CNOT3: variants seen among roughly 807,000 people sequenced by gnomAD.
CNOT3 encodes the protein CCR4-associated factor 3.
In CNOT3, 2 loss-of-function variants were observed where a neutral mutation model predicts 89.4. The ratio of observed to expected loss-of-function variants is 0.02; its 90% confidence interval spans 0.01 to 0.07. The LOEUF (loss-of-function observed/expected upper bound fraction) is 0.07. Ranked by LOEUF, CNOT3 falls within the 10% of genes least tolerant of loss-of-function variation. The pLI, the probability that CNOT3 is intolerant of heterozygous loss-of-function variation, is 1.00. For missense variants in CNOT3, 664 were observed against 1,010.2 expected, an observed-to-expected ratio of 0.66 and a Z score of 4.65; for synonymous variants, 486 against 402.0, an observed-to-expected ratio of 1.21 and a Z score of -2.50.
chr19:54,143,933 G>A (rs1374714715), intron 5 of CNOT3, 73 bp from the exon 6 acceptor site: 19 of 1,566,160 alleles, frequency 1.2e-5, no homozygotes, highest in Admixed American at 4.2e-5. Context: ...GGCTCAGGTC[G>A]GAGTGTCTGC....
At position 54,148,299 on chromosome 19, in the gene CNOT3, C is replaced by A; in HGVS notation, c.1046C>A (p.Pro349His). The change falls in exon 11 of 18, where the codon CCC becomes CAC. Residue 349 changes from proline to histidine, a missense_variant. By Grantham distance (77) the Pro-to-His change is moderately conservative. Transcript: ENST00000221232. The surrounding 1 kb of genome is among the most constrained non-coding windows in gnomAD (Gnocchi z 6.3). ...AATGGGGTCCCCGCCCCCGCAGCAC[C>A]CCCAAGTGCCCTGGGCCCCAAGGCC... ...GNNGVPAPAA[P>H]PSALGPKASP... The A allele has an allele frequency of 6.2e-7, 1 of 1,608,830 alleles. No individual in the cohort carries two copies. Among genetic ancestry groups the A allele is most frequent in the South Asian group, 1.1e-5 (1 of 90,524 alleles).
intron 12 of CNOT3, 85 bp from the exon 13 acceptor site, chr19:54,149,475 C>A: frequency 1.3e-6 from 1 of 789,980 alleles, no homozygotes; most frequent in Non-Finnish European, 2.0e-6. Context: ...TCTGTGCAGT[C>A]TCCCCTCTCT....
At chr19:54,151,811 C>T (rs1461031348) in intron 13 of CNOT3, among the ~76,000 whole-genome samples, 1 of 152,206 alleles carries the variant, frequency 6.6e-6, no homozygotes, top group Non-Finnish European at 1.5e-5. Context: ...GCATGTAGAC[C>T]TCCTGCCTCC....
chr19:54,146,024 G>A lies in CNOT3; in HGVS notation c.818G>A (p.Ser273Asn). ...ACCTCCAGCTCTCCCATCCCGCCCA[G>A]CCCAGCCAACTGTACCACGGTGAGG... ...STTSSSPIPP[S>N]PANCTTENSE... Residue 273 changes from serine (S) to asparagine (N), a missense_variant, in exon 9 of 18, where the codon AGC becomes AAC. Ser to Asn is a conservative substitution (Grantham distance 46). This residue lies in a region of CNOT3 where 545 missense variants were observed against 566.2 expected (regional missense o/e 0.96). Transcript: ENST00000221232. 4 of 1,580,732 alleles carry A rather than the reference G, an allele frequency of 2.5e-6. No individual in the cohort carries two copies. The highest frequency in any genetic ancestry group is 3.5e-6 in the Non-Finnish European group (4 of 1,155,714).
At position 54,155,276 on chromosome 19, in the gene CNOT3, G is replaced by C. The variant is rs200681035; in HGVS notation, c.2164-33G>C. 3.1e-6 allele frequency: 5 copies of C among 1,610,396 alleles called. No individual in the cohort carries two copies. The East Asian group carries it at 1.1e-4, about 36-fold the overall frequency. ...GGCCCAGATCCCAGACCACCTCCTC[G>C]TCCACTCACTGACCGCCTTCTCCCC... On this transcript the variant is annotated intron_variant, in intron 17 of 17. Transcript: ENST00000221232.
chr19:54,139,611 C>T (rs1203910235), intron 1 of CNOT3, among the ~76,000 whole-genome samples: 3 of 152,124 alleles, frequency 2.0e-5, no homozygotes, highest in Admixed American at 1.3e-4. Flanking sequence ...GTGTCCACGC[C>T]TCTGCATGTG....
intron 1 of CNOT3, among the ~76,000 whole-genome samples, chr19:54,140,537 G>C (rs1399870697): frequency 5.9e-5 from 9 of 152,212 alleles, no homozygotes; most frequent in Non-Finnish European, 1.0e-4. Context: ...GTCCTTTGCT[G>C]GGGGGACCAG....
intron 1 of CNOT3, chr19:54,142,039 T>C (rs1266677188): frequency 2.6e-5 from 4 of 152,066 alleles, no homozygotes; most frequent in Non-Finnish European, 5.9e-5. Context: ...AGTTTTGGGT[T>C]CCTGCCCTGA....
In CNOT3 at chr19:54,153,554, G is replaced by A. The variant is rs771349135; in HGVS notation, c.2038-161G>A. On this transcript the variant is annotated intron_variant, in intron 16 of 17. Coordinates refer to ENST00000221232, the MANE Select transcript of CNOT3 (RefSeq NM_014516.4). ...ATTTTCCTTCTCCTGATCAGCATTGGTATGTTCTGTGCCCCCAGCCCCATC... is the reference window on the plus strand; with the variant it reads ...ATTTTCCTTCTCCTGATCAGCATTGATATGTTCTGTGCCCCCAGCCCCATC... 3.8e-6 allele frequency: 3 copies of A among 779,858 alleles called. No individual in the cohort carries two copies. In the South Asian group the frequency reaches 4.1e-5, roughly 11 times the overall value. 48.3% of individuals were successfully genotyped at this position (779,858 alleles called of 1,614,324 possible).
In CNOT3 at chr19:54,152,230, C is replaced by T; in HGVS notation, c.1610C>T (p.Pro537Leu). ...QFSTAPEIKA[P>L]EPLSSLKSMA... ...GGCCTCTTGTTTCCTCCCCAGGCCC[C>T]TGAGCCTCTGAGCTCCTTGAAGTCC... The change falls in exon 14 of 18, where the codon CCT becomes CTT. Residue 537 changes from proline to leucine, a missense_variant. Transcript: ENST00000221232. 1 of 1,614,170 alleles carries T rather than the reference C, an allele frequency of 6.2e-7. No individual in the cohort carries two copies. Among genetic ancestry groups the T allele is most frequent in the African/African-American group, 1.3e-5 (1 of 75,062 alleles).
intron 17 of CNOT3, chr19:54,155,099 C>T (rs759708681): frequency 3.3e-6 from 2 of 600,010 alleles, no homozygotes; most frequent in Non-Finnish European, 5.7e-6. Flanking sequence ...TCTGCGGCCC[C>T]CTCCGTTTCC....
chr19:54,141,764 T>C (rs1469441665), intron 1 of CNOT3: 1 of 152,204 alleles, frequency 6.6e-6, no homozygotes, highest in East Asian at 1.9e-4. Context: ...CCTGCACACG[T>C]AGAGTGGGAG....
intron 1 of CNOT3, among the ~76,000 whole-genome samples, chr19:54,141,156 G>A (rs2074433938): frequency 6.6e-6 from 1 of 152,196 alleles, no homozygotes; most frequent in Non-Finnish European, 1.5e-5. Flanking sequence ...AGCTCCCTGG[G>A]TCAAAGAGGC....
intron 16 of CNOT3, chr19:54,153,419 C>T (rs772305268): frequency 3.9e-6 from 3 of 771,918 alleles, no homozygotes; most frequent in South Asian, 1.4e-5. Flanking sequence ...CCTCCACCCT[C>T]ATCCCCACTT....
At chr19:54,140,192 G>C (rs1270049021) in intron 1 of CNOT3, among the ~76,000 whole-genome samples, 2 of 152,094 alleles carry the variant, frequency 1.3e-5, no homozygotes, top group Non-Finnish European at 2.9e-5. Flanking sequence ...TTCTTTACTG[G>C]TTTTGGCTCT....
At chr19:54,147,303 G>C (rs1221145942) in intron 10 of CNOT3, among the ~76,000 whole-genome samples, 1 of 152,252 alleles carries the variant, frequency 6.6e-6, no homozygotes, top group African/African-American at 2.4e-5. Flanking sequence ...GGGCTAACGG[G>C]ATGGATGGTT....
chr19:54,139,668 G>C (rs2074369817), intron 1 of CNOT3, among the ~76,000 whole-genome samples: 1 of 152,124 alleles, frequency 6.6e-6, no homozygotes, highest in South Asian at 2.1e-4. Context: ...GGTGCCCCCG[G>C]CTAATGCTTC....
intron 3 of CNOT3, 49 bp from the exon 4 acceptor site, chr19:54,143,393 C>T (rs372007787): frequency 5.8e-6 from 9 of 1,558,968 alleles, no homozygotes; most frequent in Non-Finnish European, 8.0e-6. Flanking sequence ...GGAGTGGGTA[C>T]TGGGACATCC....
At chr19:54,153,161 T>G in intron 16 of CNOT3, 162 bp downstream of exon 16, 1 of 767,208 alleles carries the variant, frequency 1.3e-6, no homozygotes. Flanking sequence ...AATCCACCTG[T>G]CCCCGTCCCC....
Sources: allele counts gnomAD v4.1 joint callset (sites outside exome capture counted in the v4.1 genomes callset), GRCh38; gene constraint gnomAD v4.1.1; regional missense constraint gnomAD v4.1.1; non-coding constraint Gnocchi (gnomAD v3.1); transcripts MANE v1.5; gene names NCBI Gene and HGNC (gene_info 2026-07-23, HGNC 2026-07-21).